The following MTA3 variants were observed in gnomAD, a reference collection of about 807,000 sequenced individuals.
MTA3 encodes metastasis-associated protein MTA3.
In MTA3, 34 loss-of-function variants were observed where a neutral mutation model predicts 83.5. That is an observed-to-expected ratio of 0.41 (90% CI 0.31 to 0.54). MTA3 has a LOEUF of 0.54. Ranked by LOEUF, MTA3 falls within the 20% of genes least tolerant of loss-of-function variation. The pLI, the probability that MTA3 is intolerant of heterozygous loss-of-function variation, is 0.33. For missense variants in MTA3, 761 were observed against 726.4 expected, an observed-to-expected ratio of 1.05 and a Z score of -0.55; for synonymous variants, 303 against 252.7, an observed-to-expected ratio of 1.20 and a Z score of -1.89.
chr2:42,563,824 CTT>C (rs1558437922), upstream of MTA3, among the ~76,000 whole-genome samples: 3 of 147,820 alleles, frequency 2.0e-5, no homozygotes, highest in African/African-American at 2.5e-5. Flanking sequence ...TCCTTCCTTC[CTT>C]CCTTCCTTTC....
chr2:42,633,564 G>A (rs756951142), intron 4 of MTA3, among the ~76,000 whole-genome samples: 9 of 152,032 alleles, frequency 5.9e-5, no homozygotes, highest in Non-Finnish European at 1.0e-4. Flanking sequence ...GGGTGACAGA[G>A]CGAGATCCTG....
chr2:42,616,349 C>T (rs1458484065), intron 4 of MTA3, among the ~76,000 whole-genome samples: 1 of 151,770 alleles, frequency 6.6e-6, no homozygotes, highest in Admixed American at 6.6e-5. Context: ...AGGCGTGAGC[C>T]ATTGCACGCC....
intron 2 of MTA3, among the ~76,000 whole-genome samples, chr2:42,499,163 G>C (rs1042194352): frequency 6.6e-6 from 1 of 151,820 alleles, no homozygotes; most frequent in South Asian, 2.1e-4. Context: ...TTTGCTAAGA[G>C]GGTAGATCTT....
chr2:42,689,522 G>A (rs1692686408), intron 9 of MTA3, among the ~76,000 whole-genome samples: 1 of 152,002 alleles, frequency 6.6e-6, no homozygotes, highest in African/African-American at 2.4e-5. Flanking sequence ...TCTCTTTTTG[G>A]AAGGTTTTAA....
chr2:42,750,345 T>G (rs1264764868), intron 16 of MTA3, among the ~76,000 whole-genome samples: 1 of 152,320 alleles, frequency 6.6e-6, no homozygotes, highest in Middle Eastern at 3.4e-3. Flanking sequence ...TCTTCCAATT[T>G]GTACTCTTCT....
At chr2:42,514,509 G>A (rs1468874707) in intron 2 of MTA3, among the ~76,000 whole-genome samples, 1 of 151,754 alleles carries the variant, frequency 6.6e-6, no homozygotes, top group Non-Finnish European at 1.5e-5. Context: ...TCAGCCTCCT[G>A]AGTGGCTGGG....
intron 16 of MTA3, among the ~76,000 whole-genome samples, chr2:42,726,696 G>GA (rs1667845951): frequency 6.6e-6 from 1 of 151,838 alleles, no homozygotes; most frequent in African/African-American, 2.4e-5. Context: ...CTTGGCATTA[G>GA]AAAAAAAAGA....
rs146901071 is a variant in MTA3, at chr2:42,518,195, T to G, written c.-141+22941T>G. 1.0e-3 allele frequency among the ~76,000 whole-genome samples: 151 copies of G among 151,106 alleles called. 1 individual carries two copies. Among genetic ancestry groups the G allele is most frequent in the African/African-American group, 3.4e-3 (138 of 41,176 alleles). On this transcript the variant is annotated intron_variant, in intron 2 of 17. Transcript: ENST00000405592. ...AACTCGGTCTCAAAAAAAAAGAAAA[T>G]AAAAGAAAATACAGTTGAGTTGCAT...
intron 4 of MTA3, among the ~76,000 whole-genome samples, chr2:42,616,954 C>T (rs552358246): frequency 1.1e-4 from 16 of 151,776 alleles, no homozygotes; most frequent in African/African-American, 3.6e-4. Context: ...CTTTTTTTTG[C>T]TCACACTCTG....
intron 8 of MTA3, among the ~76,000 whole-genome samples, chr2:42,673,908 A>G (rs1691083332): frequency 6.6e-6 from 1 of 152,232 alleles, no homozygotes; most frequent in Non-Finnish European, 1.5e-5. Context: ...AACTAGGTGA[A>G]TTAAGTTCTT....
rs768965863 is a variant in MTA3, at chr2:42,659,718, A to G, written c.603-45A>G. ...TTTAAAACGTTAAAAAAACAAACCA[A>G]AACAGATACTTAATTCTTCCTTATT... is the stretch of plus-strand genomic sequence containing the variant. On this transcript the variant is annotated intron_variant, in intron 7 of 16. Transcript: ENST00000405094. 1.7e-5 allele frequency: 24 copies of G among 1,396,346 alleles called. No individual in the cohort carries two copies. The South Asian group carries it at 2.7e-4, about 16-fold the overall frequency. 86.5% of individuals were successfully genotyped at this position (1,396,346 alleles called of 1,614,324 possible).
intron 16 of MTA3, among the ~76,000 whole-genome samples, chr2:42,735,414 G>C (rs1330434393): frequency 1.3e-5 from 2 of 151,980 alleles, no homozygotes; most frequent in Non-Finnish European, 2.9e-5. Flanking sequence ...TGACTTTTGG[G>C]AGTTTGATTA....
intron 3 of MTA3, among the ~76,000 whole-genome samples, chr2:42,590,597 C>CT (rs1241555321): frequency 7.0e-6 from 1 of 143,308 alleles, no homozygotes; most frequent in African/African-American, 2.6e-5. Flanking sequence ...ACTGGGCTTG[C>CT]TTTTTTTCAT....
intron 8 of MTA3, among the ~76,000 whole-genome samples, chr2:42,660,413 A>T (rs888092829): frequency 1.5e-4 from 23 of 152,164 alleles, no homozygotes; most frequent in African/African-American, 5.1e-4. Context: ...ATATAATTTT[A>T]TTACATTATA....
intron 2 of MTA3, among the ~76,000 whole-genome samples, chr2:42,557,848 A>G (rs1206074656): frequency 1.3e-5 from 2 of 152,158 alleles, no homozygotes; most frequent in Non-Finnish European, 2.9e-5. Context: ...TCTAGTCTCT[A>G]TTCCTCAGTC....
chr2:42,609,835 A>T (rs538556476), intron 4 of MTA3, among the ~76,000 whole-genome samples: 3 of 152,328 alleles, frequency 2.0e-5, no homozygotes, highest in Admixed American at 2.0e-4. Context: ...GCAGTGGCTC[A>T]CGCCTGTAAT....
chr2:42,731,599 C>T (rs1307011474), intron 16 of MTA3, among the ~76,000 whole-genome samples: 2 of 152,144 alleles, frequency 1.3e-5, no homozygotes, highest in Non-Finnish European at 2.9e-5. Context: ...TTACTTCCCC[C>T]TCCCACAACA....
At chr2:42,584,330 C>G (rs1680017317) in intron 3 of MTA3, among the ~76,000 whole-genome samples, 1 of 152,104 alleles carries the variant, frequency 6.6e-6, no homozygotes, top group Non-Finnish European at 1.5e-5. Context: ...GAAGCCTTAC[C>G]TTTTTATCTG....
intron 2 of MTA3, among the ~76,000 whole-genome samples, chr2:42,518,892 C>T (rs979718438): frequency 4.0e-5 from 6 of 150,634 alleles, no homozygotes; most frequent in Admixed American, 2.7e-4. Flanking sequence ...CCTGAGCCTT[C>T]GAGGTTGAAG....
Sources: gnomAD v4.1 joint callset for allele counts (sites outside exome capture counted in the v4.1 genomes callset) on GRCh38, gnomAD v4.1.1 for gene constraint, MANE v1.5 for transcripts, NCBI Gene and HGNC (gene_info 2026-07-23, HGNC 2026-07-21) for gene names.